The following PTK2B variants were observed in gnomAD, a reference collection of about 807,000 sequenced individuals.
PTK2B encodes the protein protein-tyrosine kinase 2-beta.
In PTK2B, 71 loss-of-function variants were observed where a neutral mutation model predicts 142.9. That is an observed-to-expected ratio of 0.50 (90% confidence interval 0.41 to 0.61). The LOEUF (loss-of-function observed/expected upper bound fraction) is 0.61. Ranked by LOEUF, PTK2B falls within the 20% of genes least tolerant of loss-of-function variation. The pLI is 0.00. For missense variants in PTK2B, 1,105 were observed against 1,320.4 expected, an observed-to-expected ratio of 0.84 and a Z score of 2.53; for synonymous variants, 519 against 503.4, an observed-to-expected ratio of 1.03 and a Z score of -0.42.
chr8:27,335,402 G>T (rs1803997475), intron 1 of PTK2B, among the ~76,000 whole-genome samples: 1 of 152,148 alleles, frequency 6.6e-6, no homozygotes, highest in African/African-American at 2.4e-5. Flanking sequence ...AGACCAGCCT[G>T]ACCAACATGG....
At chr8:27,413,296 C>T (rs1380220865) in intron 2 of PTK2B, among the ~76,000 whole-genome samples, 1 of 152,220 alleles carries the variant, frequency 6.6e-6, no homozygotes, top group Admixed American at 6.5e-5. Context: ...AGAAGATGTG[C>T]TGCATGCATC....
chr8:27,407,493 A>G (rs1297232656), intron 2 of PTK2B, among the ~76,000 whole-genome samples: 4 of 152,044 alleles, frequency 2.6e-5, no homozygotes, highest in African/African-American at 9.7e-5. Flanking sequence ...CACTTCACCC[A>G]CCTGCTGCTG....
chr8:27,446,318 T>A (rs1035317781), intron 24 of PTK2B, among the ~76,000 whole-genome samples: 5 of 152,180 alleles, frequency 3.3e-5, no homozygotes, highest in Non-Finnish European at 7.4e-5. Context: ...GTGTGAAATC[T>A]CTCCTCAGTC....
At chr8:27,414,507 A>G (rs1309402409) in intron 2 of PTK2B, among the ~76,000 whole-genome samples, 4 of 134,462 alleles carry the variant, frequency 3.0e-5, no homozygotes, top group Non-Finnish European at 6.6e-5. Context: ...CAGCCTCCCA[A>G]AGTGTTGGGA....
At chr8:27,422,407 T>C (rs757383067) in intron 5 of PTK2B, 24 bp downstream of exon 5, 2 of 1,592,046 alleles carry the variant, frequency 1.3e-6, no homozygotes, top group South Asian at 2.3e-5. Context: ...AGGCCTCTGC[T>C]GGGAGGGCGC....
chr8:27,439,473 A>G, intron 20 of PTK2B, 75 bp downstream of exon 20: 2 of 1,470,880 alleles, frequency 1.4e-6, no homozygotes, highest in Non-Finnish European at 1.9e-6. Context: ...GGGTGGGTGC[A>G]GGGAGCAGGG....
chr8:27,322,396 A>G (rs950410541), upstream of PTK2B: 5 of 152,172 alleles, frequency 3.3e-5, no homozygotes, highest in Admixed American at 3.3e-4. Context: ...CCTTTCTGCA[A>G]ACCAGGAATA....
chr8:27,384,740 C>T (rs1277714578), intron 1 of PTK2B, among the ~76,000 whole-genome samples: 1 of 152,146 alleles, frequency 6.6e-6, no homozygotes, highest in Non-Finnish European at 1.5e-5. Context: ...GGCCCCAACC[C>T]CCATGGTCTC....
At chr8:27,320,218 A>G (rs1803181208) in intron 3 of PTK2B, among the ~76,000 whole-genome samples, 1 of 152,132 alleles carries the variant, frequency 6.6e-6, no homozygotes, top group Non-Finnish European at 1.5e-5. Flanking sequence ...TTCACCCAAT[A>G]AAACCCTGCC....
At chr8:27,392,106 A>G (rs376197020) in intron 1 of PTK2B, among the ~76,000 whole-genome samples, 21 of 152,324 alleles carry the variant, frequency 1.4e-4, no homozygotes, top group African/African-American at 5.1e-4. Flanking sequence ...AAGGCCAGAG[A>G]TAGGCTATTG....
intron 1 of PTK2B, among the ~76,000 whole-genome samples, chr8:27,372,106 C>G (rs1806396196): frequency 6.6e-6 from 1 of 152,188 alleles, no homozygotes; most frequent in Non-Finnish European, 1.5e-5. Context: ...GCTATTGTGA[C>G]TATATTCAAC....
chr8:27,386,196 C>T (rs1043475902), intron 1 of PTK2B, among the ~76,000 whole-genome samples: 5 of 152,170 alleles, frequency 3.3e-5, no homozygotes, highest in Non-Finnish European at 5.9e-5. Context: ...ATTGCTAGTG[C>T]TCCGACTTCC....
At chr8:27,390,508 G>A (rs1479320455) in intron 1 of PTK2B, among the ~76,000 whole-genome samples, 1 of 152,056 alleles carries the variant, frequency 6.6e-6, no homozygotes, top group Non-Finnish European at 1.5e-5. Context: ...AGGCATGGTG[G>A]CATGTACCTG....
chr8:27,436,457 C>T (rs1810783249), intron 15 of PTK2B, 109 bp downstream of exon 15: 2 of 947,638 alleles, frequency 2.1e-6, no homozygotes, highest in Admixed American at 1.9e-5. Flanking sequence ...CACTTGGGGC[C>T]CCTTGTCCCT....
chr8:27,402,422 G>A (rs182468175), intron 2 of PTK2B, among the ~76,000 whole-genome samples: 32 of 152,278 alleles, frequency 2.1e-4, no homozygotes, highest in African/African-American at 7.5e-4. Flanking sequence ...GTAGATCCTT[G>A]GATACATAAT....
intron 21 of PTK2B, among the ~76,000 whole-genome samples, chr8:27,442,305 A>G (rs1779607793): frequency 1.3e-5 from 2 of 152,210 alleles, no homozygotes; most frequent in African/African-American, 2.4e-5. Context: ...ATGTGGATTC[A>G]TGGGCAGTAA....
chr8:27,324,479 A>G (rs1371625143), upstream of PTK2B, among the ~76,000 whole-genome samples: 1 of 152,234 alleles, frequency 6.6e-6, no homozygotes, highest in Non-Finnish European at 1.5e-5. Flanking sequence ...TCCACTAATT[A>G]TACTTTGAGA....
chr8:27,336,657 C>G (rs748106705), intron 1 of PTK2B, among the ~76,000 whole-genome samples: 5 of 152,190 alleles, frequency 3.3e-5, no homozygotes, highest in African/African-American at 7.2e-5. Flanking sequence ...ATACTGCTTT[C>G]CCCCAACTCT....
intron 3 of PTK2B, among the ~76,000 whole-genome samples, chr8:27,317,032 C>G (rs1047116048): frequency 6.6e-6 from 1 of 152,192 alleles, no homozygotes; most frequent in Non-Finnish European, 1.5e-5. Flanking sequence ...GATTCATCCT[C>G]TCTCTGGTCA....
Sources: allele counts gnomAD v4.1 joint callset (sites outside exome capture counted in the v4.1 genomes callset), GRCh38; gene constraint gnomAD v4.1.1; transcripts MANE v1.5; gene names NCBI Gene and HGNC (gene_info 2026-07-23, HGNC 2026-07-21).